DLGAP2: variants seen among roughly 807,000 people sequenced by gnomAD.
DLGAP2 encodes DLG associated protein 2, also known as disks large-associated protein 2.
A neutral mutation model predicts 100.3 loss-of-function variants in DLGAP2; 26 were observed. That is an observed-to-expected ratio of 0.26 (90% confidence interval 0.19 to 0.36). The LOEUF (loss-of-function observed/expected upper bound fraction) is 0.36, where lower values mean the gene tolerates loss of function less well. Ranked by LOEUF, DLGAP2 falls within the 10% of genes least tolerant of loss-of-function variation. DLGAP2 has a pLI of 1.00. For synonymous variants in DLGAP2, 886 were observed against 630.1 expected (o/e 1.41, Z -6.08); for missense variants, 1,858 against 1,453.2 (o/e 1.28, Z -4.53).
intron 10 of DLGAP2, among the ~76,000 whole-genome samples, chr8:1,671,962 T>C (rs1044970964): frequency 6.6e-6 from 1 of 152,258 alleles, no homozygotes. Context: ...TGGCCTGACC[T>C]CGCTTTTCTT....
chr8:1,454,956 G>C (rs933603410), intron 3 of DLGAP2, among the ~76,000 whole-genome samples: 2 of 152,056 alleles, frequency 1.3e-5, no homozygotes, highest in Admixed American at 1.3e-4. Context: ...CGCCCATCGG[G>C]CCCCCAGTTT....
At chr8:771,721 A>T (rs1010360610) in intron 1 of DLGAP2, among the ~76,000 whole-genome samples, 1 of 152,224 alleles carries the variant, frequency 6.6e-6, no homozygotes, top group Non-Finnish European at 1.5e-5. Flanking sequence ...GAAAATATTT[A>T]TCCTCAGAAG....
In DLGAP2 at chr8:1,287,735, C is replaced by G. The variant is rs1299674733; in HGVS notation, c.106+28852C>G. 3.8e-4 allele frequency among the ~76,000 whole-genome samples: 21 copies of G among 55,366 alleles called. 1 individual carries two copies. Among genetic ancestry groups the G allele is most frequent in the Non-Finnish European group, 5.5e-4 (18 of 32,560 alleles). The allele number at this position is 55,366 out of a possible 152,430, so 36.3% of individuals were successfully genotyped here. A position where few individuals can be genotyped will look rare whatever the true frequency, so the allele number is the denominator to read the frequency against. On this transcript the variant is annotated intron_variant, in intron 3 of 14. Transcript: ENST00000637795. Reference sequence around the variant, plus strand: ...TGTGTGTGTGTATGTGTGTGTGGTTCTGTTAGGGGAACTAGTTTTGGTTCA... The same window carrying G: ...TGTGTGTGTGTATGTGTGTGTGGTTGTGTTAGGGGAACTAGTTTTGGTTCA...
intron 2 of DLGAP2, among the ~76,000 whole-genome samples, chr8:1,085,434 C>T (rs1033654237): frequency 6.6e-6 from 1 of 152,166 alleles, no homozygotes; most frequent in Non-Finnish European, 1.5e-5. Context: ...ATCACCCAGA[C>T]CAATATTATG....
chr8:1,184,690 G>A (rs1015823932), intron 2 of DLGAP2, among the ~76,000 whole-genome samples: 1 of 152,188 alleles, frequency 6.6e-6, no homozygotes, highest in Non-Finnish European at 1.5e-5. Context: ...GTGGGGTGTG[G>A]TTAGGGAGCA....
intron 3 of DLGAP2, among the ~76,000 whole-genome samples, chr8:1,322,645 C>G (rs943793053): frequency 2.6e-5 from 4 of 152,218 alleles, no homozygotes; most frequent in African/African-American, 9.6e-5. Context: ...GTGTATTGTT[C>G]CATGGAAATG....
intron 2 of DLGAP2, among the ~76,000 whole-genome samples, chr8:1,232,002 A>T (rs995384356): frequency 1.3e-5 from 2 of 152,196 alleles, no homozygotes; most frequent in African/African-American, 4.8e-5. Flanking sequence ...AAAATAATAA[A>T]TGCCAGTAGC....
intron 4 of DLGAP2, among the ~76,000 whole-genome samples, chr8:1,504,803 G>A (rs1253765169): frequency 6.6e-6 from 1 of 152,194 alleles, no homozygotes; most frequent in African/African-American, 2.4e-5. Flanking sequence ...GGTTCTGCGT[G>A]TTGGCTGTGG....
At position 1,678,891 on chromosome 8, in the gene DLGAP2, T is replaced by G. The variant is rs1167358346; in HGVS notation, c.2704+262T>G. ...AGAAAATCAACTGTGCTAACAGTTTTCTTGGGAGCATAGTTGATCTCATAT... is the reference window on the plus strand; with the variant it reads ...AGAAAATCAACTGTGCTAACAGTTTGCTTGGGAGCATAGTTGATCTCATAT... On this transcript the variant is annotated intron_variant, in intron 12 of 14. Coordinates refer to ENST00000637795, the MANE Select transcript of DLGAP2 (RefSeq NM_001346810.2). The G allele has an allele frequency of 1.3e-4, 54 of 406,398 alleles. No individual in the cohort carries two copies. The East Asian group carries it at 2.1e-3, about 16-fold the overall frequency. 25.2% of individuals were successfully genotyped at this position (406,398 alleles called of 1,614,324 possible). A position where few individuals can be genotyped will look rare whatever the true frequency, so the allele number is the denominator to read the frequency against.
At chr8:752,779 G>C (rs963018274) in intron 1 of DLGAP2, among the ~76,000 whole-genome samples, 1 of 152,134 alleles carries the variant, frequency 6.6e-6, no homozygotes, top group Non-Finnish European at 1.5e-5. Flanking sequence ...TTCAAGGTGG[G>C]TAGGGGAGAC....
At chr8:868,813 G>C (rs1006231370) in intron 1 of DLGAP2, among the ~76,000 whole-genome samples, 13 of 152,224 alleles carry the variant, frequency 8.5e-5, no homozygotes, top group African/African-American at 3.1e-4. Flanking sequence ...TCCGGGCCTA[G>C]AGAGCGCGGT....
At chr8:1,059,053 C>A (rs770000519) in intron 2 of DLGAP2, among the ~76,000 whole-genome samples, 14 of 152,220 alleles carry the variant, frequency 9.2e-5, no homozygotes, top group African/African-American at 2.7e-4. Context: ...GTCTCCAGGG[C>A]TCCCCCCATG....
intron 2 of DLGAP2, among the ~76,000 whole-genome samples, chr8:1,090,848 C>T (rs1161223142): frequency 6.6e-6 from 1 of 152,074 alleles, no homozygotes; most frequent in Non-Finnish European, 1.5e-5. Flanking sequence ...AGATTTTGTC[C>T]AAAAGTCTGT....
chr8:800,564 T>G (rs1796127180), intron 1 of DLGAP2, among the ~76,000 whole-genome samples: 1 of 152,190 alleles, frequency 6.6e-6, no homozygotes, highest in South Asian at 2.1e-4. Flanking sequence ...ATGAGATGCC[T>G]GCATTGACAT....
At chr8:1,052,522 A>C (rs143983262) in intron 2 of DLGAP2, among the ~76,000 whole-genome samples, 1 of 152,192 alleles carries the variant, frequency 6.6e-6, no homozygotes, top group African/African-American at 2.4e-5. Context: ...ACTATATTCC[A>C]GGCATTGTGT....
At chr8:1,065,095 C>G (rs758214602) in intron 2 of DLGAP2, among the ~76,000 whole-genome samples, 1 of 152,202 alleles carries the variant, frequency 6.6e-6, no homozygotes, top group African/African-American at 2.4e-5. Flanking sequence ...AAATATGTCT[C>G]CACGCACCAG....
chr8:1,516,367 A>ATGAGTGAGTGAGTGAC (rs1800382073), intron 4 of DLGAP2, among the ~76,000 whole-genome samples: 1 of 139,198 alleles, frequency 7.2e-6, no homozygotes, highest in Non-Finnish European at 1.6e-5. Flanking sequence ...GAGGGAGTGA[A>ATGAGTGAGTGAGTGAC]TGAGTGAGTG....
intron 12 of DLGAP2, 49 bp from the exon 13 acceptor site, chr8:1,691,486 C>T (rs752823955): frequency 6.6e-7 from 1 of 1,511,414 alleles, no homozygotes; most frequent in Non-Finnish European, 9.1e-7. Flanking sequence ...GTGTAATTGA[C>T]CCAGTTTTGA....
At chr8:1,657,139 C>T (rs1430803212) in intron 8 of DLGAP2, among the ~76,000 whole-genome samples, 1 of 152,134 alleles carries the variant, frequency 6.6e-6, no homozygotes, top group Non-Finnish European at 1.5e-5. Context: ...CAGAAACTTT[C>T]AGTTATTAAA....
Sources: gnomAD v4.1 joint callset for allele counts (sites outside exome capture counted in the v4.1 genomes callset) on GRCh38, gnomAD v4.1.1 for gene constraint, MANE v1.5 for transcripts, NCBI Gene and HGNC (gene_info 2026-07-23, HGNC 2026-07-21) for gene names.